Variants in CA10 observed in about 807,000 individuals in gnomAD.
CA10 encodes the protein carbonic anhydrase-related protein 10.
A neutral mutation model predicts 44.2 loss-of-function variants in CA10; 14 were observed. The ratio of observed to expected loss-of-function variants is 0.32; its 90% CI spans 0.21 to 0.50. CA10 has a LOEUF of 0.50. CA10 is among the 20% of genes least tolerant of loss of function. The pLI is 0.99. For missense variants in CA10, 350 were observed against 409.7 expected (o/e 0.85, Z 1.26); for synonymous variants, 159 against 141.6 (o/e 1.12, Z -0.87).
intron 3 of CA10, among the ~76,000 whole-genome samples, chr17:51,814,433 T>C (rs1432638810): frequency 1.3e-5 from 2 of 152,158 alleles, no homozygotes; most frequent in Non-Finnish European, 2.9e-5. Flanking sequence ...CTCAAGATAC[T>C]CTATGAAGAA....
At chr17:51,964,706 C>A (rs990860040) in intron 2 of CA10, among the ~76,000 whole-genome samples, 1 of 151,556 alleles carries the variant, frequency 6.6e-6, no homozygotes, top group Non-Finnish European at 1.5e-5. Flanking sequence ...AAAAAAAAAT[C>A]TTTGAAATAA....
chr17:51,831,734 A>ACCGCCGCCGCCGCCGCCGCC (rs1555604086), intron 3 of CA10, among the ~76,000 whole-genome samples: 1 of 145,792 alleles, frequency 6.9e-6, no homozygotes, highest in African/African-American at 2.5e-5. Flanking sequence ...CAGCAGCAGA[A>ACCGCCGCCGCCGCCGCCGCC]AAAGACCTTC....
intron 3 of CA10, among the ~76,000 whole-genome samples, chr17:51,773,765 T>C (rs186459328): frequency 1.1e-3 from 171 of 152,394 alleles, no homozygotes; most frequent in African/African-American, 3.8e-3. Context: ...TTTGATTCTT[T>C]TGTGCTTTCC....
intron 4 of CA10, among the ~76,000 whole-genome samples, chr17:51,721,682 T>A (rs1916354605): frequency 1.3e-5 from 2 of 151,928 alleles, no homozygotes; most frequent in Non-Finnish European, 2.9e-5. Context: ...AAAAATCCTA[T>A]CCATCTGGTG....
At chr17:51,842,709 C>T (rs2143807466) in intron 3 of CA10, among the ~76,000 whole-genome samples, 1 of 150,326 alleles carries the variant, frequency 6.7e-6, no homozygotes, top group African/African-American at 2.5e-5. Flanking sequence ...TCATATTAAA[C>T]CTTTTTTTTT....
At chr17:51,774,585 G>A (rs923721691) in intron 3 of CA10, among the ~76,000 whole-genome samples, 152 of 152,000 alleles carry the variant, frequency 1.0e-3, no homozygotes, top group African/African-American at 3.1e-3. Context: ...GACTACAGGC[G>A]CACACCACCA....
At chr17:51,865,546 C>T (rs1979506857) in intron 3 of CA10, among the ~76,000 whole-genome samples, 2 of 152,192 alleles carry the variant, frequency 1.3e-5, no homozygotes, top group South Asian at 4.1e-4. Context: ...GGGCAGTGTC[C>T]ATGGCCTCAG....
chr17:51,983,522 G>A (rs550351673), intron 2 of CA10, among the ~76,000 whole-genome samples: 1 of 151,490 alleles, frequency 6.6e-6, no homozygotes, highest in Admixed American at 6.6e-5. Context: ...TGGATGGCAG[G>A]TCTTATTTGT....
intron 4 of CA10, among the ~76,000 whole-genome samples, chr17:51,717,120 GGAATTTTTTTGTTCTAAT>G (rs1242760025): frequency 1.3e-5 from 2 of 152,062 alleles, no homozygotes; most frequent in African/African-American, 4.8e-5. Flanking sequence ...GAGTGCTAGG[GGAATTTTTTTGTTCTAAT>G]GCTTGGCTTC....
intron 1 of CA10, among the ~76,000 whole-genome samples, chr17:52,103,492 AGT>A (rs1339500350): frequency 6.6e-6 from 1 of 152,174 alleles, no homozygotes; most frequent in Non-Finnish European, 1.5e-5. Context: ...CTTGCTGAAG[AGT>A]GAGTCTGGGT....
intron 4 of CA10, among the ~76,000 whole-genome samples, chr17:51,725,758 TCA>T (rs1203736586): frequency 6.6e-6 from 1 of 152,238 alleles, no homozygotes; most frequent in Non-Finnish European, 1.5e-5. Context: ...AGGCAGATGT[TCA>T]CAGTCAGCTG....
chr17:51,941,693 G>T (rs1275042933), intron 2 of CA10, among the ~76,000 whole-genome samples: 2 of 152,086 alleles, frequency 1.3e-5, no homozygotes, highest in African/African-American at 4.8e-5. Context: ...GTTGAAACCA[G>T]CAGGGACACA....
chr17:51,828,794 A>G (rs190616735), intron 3 of CA10, among the ~76,000 whole-genome samples: 1 of 152,340 alleles, frequency 6.6e-6, no homozygotes, highest in African/African-American at 2.4e-5. Context: ...AAATCTTTCA[A>G]AGATTTACTG....
chr17:51,772,644 A>G lies in CA10; in HGVS notation c.280-24826T>C, dbSNP rs560510337. Among the ~76,000 whole-genome samples the G allele has an allele frequency of 4.5e-4, 66 of 145,442 alleles. 2 individuals carry two copies. The highest frequency in any genetic ancestry group is 2.5e-3 in the Admixed American group (35 of 13,892). ...CAATTGCCATGGGAACAGAGAAGACAAGGAGAGGGAAAAGAGAGAAGCATT... is the reference window on the plus strand; with the variant it reads ...CAATTGCCATGGGAACAGAGAAGACGAGGAGAGGGAAAAGAGAGAAGCATT... On this transcript the variant is annotated intron_variant, in intron 3 of 8. Coordinates refer to ENST00000451037, the MANE Select transcript of CA10 (RefSeq NM_020178.5).
chr17:52,087,922 A>T (rs775114593), intron 1 of CA10, among the ~76,000 whole-genome samples: 1 of 152,180 alleles, frequency 6.6e-6, no homozygotes, highest in Non-Finnish European at 1.5e-5. Context: ...CTGCTCTATC[A>T]ACTACATACA....
chr17:51,840,032 G>A (rs374928417), intron 3 of CA10, among the ~76,000 whole-genome samples: 83 of 152,326 alleles, frequency 5.4e-4, no homozygotes, highest in African/African-American at 2.0e-3. Context: ...AGAGTATAGT[G>A]TTTAAGTATA....
At position 51,646,716 on chromosome 17, in the gene CA10, A is replaced by G. The variant is rs138560817; in HGVS notation, c.634+2466T>C. 1.6e-4 allele frequency among the ~76,000 whole-genome samples: 24 copies of G among 152,206 alleles called. 1 individual carries two copies. In the East Asian group the frequency reaches 4.5e-3, roughly 28 times the overall value. On this transcript the variant is annotated intron_variant, in intron 6 of 8. Coordinates refer to ENST00000451037, the MANE Select transcript of CA10 (RefSeq NM_020178.5). The stretch of plus-strand genomic sequence containing the variant: ...CCTACTCCAGACTCCCCTGCCTGCC[A>G]CTGGGCTAACCTTCTGGCTGCCCTA...
chr17:51,916,081 C>T (rs1337669523), intron 3 of CA10, among the ~76,000 whole-genome samples: 1 of 152,140 alleles, frequency 6.6e-6, no homozygotes, highest in Non-Finnish European at 1.5e-5. Context: ...TATTTCCTCT[C>T]TTTAGATTTT....
At chr17:51,839,934 T>C (rs551056810) in intron 3 of CA10, among the ~76,000 whole-genome samples, 83 of 152,200 alleles carry the variant, frequency 5.5e-4, no homozygotes, top group Admixed American at 9.2e-4. Flanking sequence ...CCTTCTATTG[T>C]ATCATTTATT....
Sources: gnomAD v4.1 joint callset for allele counts (sites outside exome capture counted in the v4.1 genomes callset) on GRCh38, gnomAD v4.1.1 for gene constraint, MANE v1.5 for transcripts, NCBI Gene and HGNC (gene_info 2026-07-23, HGNC 2026-07-21) for gene names.